Variants in DGKG observed in about 807,000 individuals in gnomAD.
The protein encoded by DGKG is DAG kinase gamma.
A neutral mutation model predicts 105.3 loss-of-function variants in DGKG; 78 were observed. That is an observed-to-expected ratio of 0.74 (90% CI 0.62 to 0.89). The LOEUF (loss-of-function observed/expected upper bound fraction) is 0.89. Among genes scored for constraint, DGKG ranks in the 40% least tolerant of loss-of-function variants. DGKG has a pLI of 0.00. For synonymous variants in DGKG, 346 were observed against 367.1 expected, an observed-to-expected ratio of 0.94 and a Z score of 0.66; for missense variants, 958 against 1,020.1, an observed-to-expected ratio of 0.94 and a Z score of 0.83.
intron 3 of DGKG, 115 bp from the exon 4 acceptor site, chr3:186,298,344 A>G: frequency 1.1e-6 from 1 of 951,346 alleles, no homozygotes; most frequent in Admixed American, 3.0e-5. Flanking sequence ...GGGAGGCAGT[A>G]GGACATGGAG....
At chr3:186,292,674 A>AT (rs35356137) in intron 5 of DGKG, among the ~76,000 whole-genome samples, 41,572 of 151,934 alleles carry the variant, frequency 0.27, 6,152 homozygotes, top group Non-Finnish European at 0.34. Context: ...GGTGCCTGTA[A>AT]TCCCAGCTAC....
At chr3:186,275,222 T>C (rs921935943) in intron 10 of DGKG, among the ~76,000 whole-genome samples, 10 of 152,214 alleles carry the variant, frequency 6.6e-5, no homozygotes, top group African/African-American at 2.2e-4. Context: ...CCTCTGAACA[T>C]ACCCAGAATA....
rs1481731779 is a variant in DGKG, at chr3:186,295,764, C to G, written c.373+1657G>C. Among the ~76,000 whole-genome samples, 3 of 151,456 alleles carry G rather than the reference C, an allele frequency of 2.0e-5. No individual in the cohort carries two copies. In the East Asian group the frequency reaches 5.9e-4, roughly 30 times the overall value. On this transcript the variant is annotated intron_variant, in intron 5 of 24. Coordinates refer to ENST00000265022, the MANE Select transcript of DGKG (RefSeq NM_001346.3). ...GGGAAGAGGATGCCCAGGTGACACACTTGGAGACTGAGGTTGCAGGCTGAA... is the reference window on the plus strand; with the variant it reads ...GGGAAGAGGATGCCCAGGTGACACAGTTGGAGACTGAGGTTGCAGGCTGAA...
At chr3:186,299,842 T>TTCTTTCTTTCTTTCTTTCTTTC (rs1560142127) in intron 3 of DGKG, among the ~76,000 whole-genome samples, 1 of 106,774 alleles carries the variant, frequency 9.4e-6, no homozygotes, top group Non-Finnish European at 2.0e-5. Flanking sequence ...TCTTTCTTTT[T>TTCTTTCTTTCTTTCTTTCTTTC]TTTTTTTTTT....
At chr3:186,299,817 CTTTCTT>C (rs1434562748) in intron 3 of DGKG, among the ~76,000 whole-genome samples, 4 of 100,514 alleles carry the variant, frequency 4.0e-5, no homozygotes, top group Admixed American at 1.1e-4. Flanking sequence ...TTCTTTCTTT[CTTTCTT>C]TCTTTCTTTC....
At chr3:186,273,367 CTTTTTTTTTT>C (rs375667915) in intron 10 of DGKG, among the ~76,000 whole-genome samples, 12 of 85,598 alleles carry the variant, frequency 1.4e-4, no homozygotes, top group Non-Finnish European at 1.6e-4. Flanking sequence ...TGTTGTACCC[CTTTTTTTTTT>C]TTTTTTTTTT....
chr3:186,267,065 G>T (rs1258379018), intron 13 of DGKG, among the ~76,000 whole-genome samples: 1 of 152,144 alleles, frequency 6.6e-6, no homozygotes, highest in Non-Finnish European at 1.5e-5. Context: ...GCCAGGTGGG[G>T]GTAAAGGAGC....
chr3:186,160,848 A>T, intron 24 of DGKG: 1 of 985,460 alleles, frequency 1.0e-6, no homozygotes, highest in Non-Finnish European at 1.2e-6. Flanking sequence ...GGAAGGATGC[A>T]TGGCTCCTGT....
At chr3:186,153,717 TC>T (rs1490368222) in intron 24 of DGKG, among the ~76,000 whole-genome samples, 2 of 152,226 alleles carry the variant, frequency 1.3e-5, no homozygotes, top group African/African-American at 4.8e-5. Flanking sequence ...AGGGACTTCT[TC>T]CTGAATGTTG....
At chr3:186,309,764 G>C (rs1317951322) in intron 2 of DGKG, among the ~76,000 whole-genome samples, 1 of 152,106 alleles carries the variant, frequency 6.6e-6, no homozygotes, top group Non-Finnish European at 1.5e-5. Flanking sequence ...TCTCATTTTG[G>C]ATATTCCACC....
At chr3:186,182,249 G>A (rs560622491) in intron 22 of DGKG, among the ~76,000 whole-genome samples, 10 of 152,330 alleles carry the variant, frequency 6.6e-5, no homozygotes, top group East Asian at 3.9e-4. Context: ...TCCTGAAGCC[G>A]TAGTCAAGAG....
intron 1 of DGKG, among the ~76,000 whole-genome samples, chr3:186,352,391 T>C (rs991963064): frequency 6.6e-6 from 1 of 152,174 alleles, no homozygotes; most frequent in Non-Finnish European, 1.5e-5. Context: ...TTGATCTAGA[T>C]ACATGGAAAT....
chr3:186,165,027 C>G lies in DGKG; in HGVS notation c.2096-9G>C. 3 of 1,609,814 alleles carry G rather than the reference C, an allele frequency of 1.9e-6. No individual in the cohort carries two copies. The highest frequency in any genetic ancestry group is 2.5e-6 in the Non-Finnish European group (3 of 1,178,442). On this transcript the variant is annotated splice_polypyrimidine_tract_variant and intron_variant, in intron 22 of 24. Coordinates refer to ENST00000265022, the MANE Select transcript of DGKG (RefSeq NM_001346.3). ...GAGCTGGTCACTGAGGTCTGCAGAG[C>G]GAGACAGCAAAAGTAGTGCATACAC...
chr3:186,352,089 C>T (rs770652046), intron 1 of DGKG, among the ~76,000 whole-genome samples: 22 of 152,064 alleles, frequency 1.4e-4, no homozygotes, highest in African/African-American at 5.1e-4. Flanking sequence ...CCTCCCCACT[C>T]CCCCCAGGCA....
In DGKG at chr3:186,149,832, GCCACAA is replaced by G; in HGVS notation, c.*252_*257del. 8.4e-7 allele frequency: 1 copy of G among 1,187,544 alleles called. No individual in the cohort carries two copies. The highest frequency in any genetic ancestry group is 1.0e-6 in the Non-Finnish European group (1 of 956,968). 73.6% of individuals were successfully genotyped at this position (1,187,544 alleles called of 1,614,324 possible). A position where few individuals can be genotyped will look rare whatever the true frequency, so the allele number is the denominator to read the frequency against. On this transcript the variant is annotated 3_prime_UTR_variant, in exon 25 of 25. Coordinates refer to ENST00000265022, the MANE Select transcript of DGKG (RefSeq NM_001346.3). ...AATGTGGAGGTTGCTGCCTAAGCCA[GCCACAA>G]CCTCATGGGCCCTAAGTCCATTCAA...
intron 22 of DGKG, among the ~76,000 whole-genome samples, chr3:186,174,788 T>G (rs1716996776): frequency 6.6e-6 from 1 of 151,816 alleles, no homozygotes; most frequent in Admixed American, 6.6e-5. Flanking sequence ...CTTTAAGGCA[T>G]GGGTTGGATA....
At position 186,313,546 on chromosome 3, in the gene DGKG, A is replaced by T. The variant is rs903901208; in HGVS notation, c.68-6569T>A. ...TGGAGGAATGGATCAGACAACTTGG[A>T]CCATCTTGCAACTAAAAGTGTGGTC... On this transcript the variant is annotated intron_variant, in intron 2 of 24. Coordinates refer to ENST00000265022, the MANE Select transcript of DGKG (RefSeq NM_001346.3). 7.1e-6 allele frequency: 7 copies of T among 985,068 alleles called. No homozygotes were observed. In the African/African-American group the frequency reaches 1.2e-4, roughly 17 times the overall value. The allele number at this position is 985,068 out of a possible 1,614,324, so 61.0% of individuals were successfully genotyped here. A position where few individuals can be genotyped will look rare whatever the true frequency, so the allele number is the denominator to read the frequency against.
In DGKG at chr3:186,306,792, C is replaced by T. The variant is rs187942392; in HGVS notation, c.144+109G>A. The T allele has an allele frequency of 6.9e-6, 5 of 721,056 alleles. No individual in the cohort carries two copies. In the Admixed American group the frequency reaches 9.7e-5, roughly 14 times the overall value. 44.7% of individuals were successfully genotyped at this position (721,056 alleles called of 1,614,324 possible). Reference sequence around the variant, plus strand: ...CACTTGAGACTTAAGAGGAAACATGCTGAGGAGCAAGTTCTTCAAGGCAAG... The same window carrying T: ...CACTTGAGACTTAAGAGGAAACATGTTGAGGAGCAAGTTCTTCAAGGCAAG... On this transcript the variant is annotated intron_variant, in intron 3 of 24. Coordinates refer to ENST00000265022, the MANE Select transcript of DGKG (RefSeq NM_001346.3).
intron 5 of DGKG, among the ~76,000 whole-genome samples, chr3:186,295,940 G>C (rs6804233): frequency 0.045 from 6,831 of 152,050 alleles, 504 homozygotes; most frequent in African/African-American, 0.15. Context: ...AACCCTGTCT[G>C]TACTAAAAAA....
Sources: gnomAD v4.1 joint callset for allele counts (sites outside exome capture counted in the v4.1 genomes callset) on GRCh38, gnomAD v4.1.1 for gene constraint, MANE v1.5 for transcripts, NCBI Gene and HGNC (gene_info 2026-07-23, HGNC 2026-07-21) for gene names.